Variants in GPSM2 observed in about 807,000 individuals in gnomAD.
GPSM2 encodes the protein G protein signaling modulator 2, also known as G protein-signaling modulator 2.
In GPSM2, 58 loss-of-function variants were observed where a neutral mutation model predicts 78.4. The observed-to-expected ratio is 0.74, with a 90% CI of 0.60 to 0.92. The LOEUF (loss-of-function observed/expected upper bound fraction) is 0.92. GPSM2 is among the 40% of genes least tolerant of loss of function. GPSM2 has a pLI of 0.00. For synonymous variants in GPSM2, 224 were observed against 280.2 expected, an observed-to-expected ratio of 0.80 and a Z score of 2.00; for missense variants, 700 against 815.5, an observed-to-expected ratio of 0.86 and a Z score of 1.73.
intron 10 of GPSM2, among the ~76,000 whole-genome samples, chr1:108,908,253 C>T (rs1233821842): frequency 6.6e-6 from 1 of 152,032 alleles, no homozygotes; most frequent in Non-Finnish European, 1.5e-5. Context: ...CGCCTGTAGT[C>T]GCAGCTACTC....
At chr1:108,928,967 T>C (rs1190121062) in intron 14 of GPSM2, among the ~76,000 whole-genome samples, 6 of 144,216 alleles carry the variant, frequency 4.2e-5, no homozygotes, top group Non-Finnish European at 9.0e-5. Context: ...CCTGCCTGGA[T>C]GACAGAGCGA....
At chr1:108,878,757 G>A (rs536925629) in intron 1 of GPSM2, among the ~76,000 whole-genome samples, 1 of 152,204 alleles carries the variant, frequency 6.6e-6, no homozygotes, top group South Asian at 2.1e-4. Flanking sequence ...ACTATGTTGA[G>A]TACTTTTGTT....
intron 13 of GPSM2, 57 bp from the exon 14 acceptor site, chr1:108,923,939 GTTTT>G (rs869219447): frequency 2.4e-6 from 3 of 1,228,550 alleles, no homozygotes; most frequent in Non-Finnish European, 3.6e-6. Flanking sequence ...ATGTGCCTAG[GTTTT>G]TTTGTTTTTT....
At chr1:108,906,864 C>G (rs1649273751) in intron 10 of GPSM2, among the ~76,000 whole-genome samples, 1 of 152,142 alleles carries the variant, frequency 6.6e-6, no homozygotes, top group Non-Finnish European at 1.5e-5. Context: ...AGTGACGGAA[C>G]TATAGGCACG....
chr1:108,928,778 C>A (rs1651381336), intron 14 of GPSM2, among the ~76,000 whole-genome samples: 2 of 152,098 alleles, frequency 1.3e-5, no homozygotes, highest in Admixed American at 6.5e-5. Context: ...CACTTGAGGT[C>A]AAGAGTTCGA....
chr1:108,931,112 CTT>C lies in GPSM2; in HGVS notation c.*1173_*1174del. 1 of 433,976 alleles carries C rather than the reference CTT, an allele frequency of 2.3e-6. No homozygotes were observed. The allele number at this position is 433,976 out of a possible 1,614,324, so 26.9% of individuals were successfully genotyped here. On this transcript the variant is annotated 3_prime_UTR_variant, in exon 15 of 15. Coordinates refer to ENST00000264126, the MANE Select transcript of GPSM2 (RefSeq NM_013296.5). The stretch of plus-strand genomic sequence containing the variant: ...TTAAAAAAATTATTTAAAATGGTCT[CTT>C]CTGTTCCATAATACTGCTGTAAAAC...
intron 1 of GPSM2, among the ~76,000 whole-genome samples, chr1:108,881,490 G>A (rs931112229): frequency 1.3e-5 from 2 of 152,170 alleles, no homozygotes; most frequent in African/African-American, 2.4e-5. Context: ...TAGGAAGTAG[G>A]TTTGTTAACT....
intron 11 of GPSM2, among the ~76,000 whole-genome samples, chr1:108,915,608 G>C (rs545987392): frequency 6.6e-6 from 1 of 150,990 alleles, no homozygotes; most frequent in African/African-American, 2.4e-5. Context: ...TGTATTTTTA[G>C]TAAAGACAGG....
chr1:108,898,814 G>A, intron 6 of GPSM2, 49 bp downstream of exon 6: 4 of 1,608,564 alleles, frequency 2.5e-6, no homozygotes, highest in Non-Finnish European at 3.4e-6. Context: ...TCAAAGTTCT[G>A]AACAGTGATT....
At chr1:108,918,470 A>G (rs1011409642) in intron 11 of GPSM2, 143 bp from the exon 12 acceptor site, 15 of 638,968 alleles carry the variant, frequency 2.3e-5, no homozygotes, top group South Asian at 1.6e-4. Context: ...ACTAAAAAGG[A>G]TATTTTTAAA....
intron 14 of GPSM2, among the ~76,000 whole-genome samples, chr1:108,924,549 T>G (rs919452000): frequency 6.6e-6 from 1 of 152,056 alleles, no homozygotes; most frequent in Admixed American, 6.6e-5. Flanking sequence ...AGCAAAGGTG[T>G]TGGTGGTAGG....
At chr1:108,917,353 G>T (rs921984249) in intron 11 of GPSM2, among the ~76,000 whole-genome samples, 1 of 151,628 alleles carries the variant, frequency 6.6e-6, no homozygotes, top group African/African-American at 2.4e-5. Context: ...GGATCACGAG[G>T]TCAAGAGATC....
chr1:108,883,679 T>G (rs1647281728), intron 1 of GPSM2, among the ~76,000 whole-genome samples: 2 of 152,228 alleles, frequency 1.3e-5, no homozygotes, highest in Non-Finnish European at 2.9e-5. Context: ...TGATATGCTG[T>G]AGCTCTCTCT....
intron 1 of GPSM2, among the ~76,000 whole-genome samples, chr1:108,884,015 T>G (rs1647319066): frequency 6.6e-6 from 1 of 151,960 alleles, no homozygotes; most frequent in African/African-American, 2.4e-5. Flanking sequence ...GGGTTCAGGC[T>G]CACTGCAACC....
chr1:108,885,962 G>T (rs1307880018), intron 2 of GPSM2, among the ~76,000 whole-genome samples: 1 of 152,036 alleles, frequency 6.6e-6, no homozygotes, highest in East Asian at 1.9e-4. Flanking sequence ...TTTTAGACAT[G>T]AACTTTTTAT....
chr1:108,918,829 A>G, intron 12 of GPSM2, 40 bp downstream of exon 12: 1 of 1,382,168 alleles, frequency 7.2e-7, no homozygotes, highest in Admixed American at 1.7e-5. Flanking sequence ...TGTTTTGAGT[A>G]CCGACATTTG....
intron 11 of GPSM2, among the ~76,000 whole-genome samples, chr1:108,915,801 G>T (rs1007502465): frequency 6.6e-6 from 1 of 152,046 alleles, no homozygotes; most frequent in African/African-American, 2.4e-5. Flanking sequence ...CTTCATTACA[G>T]CAACTTTAGA....
At chr1:108,894,253 A>G (rs1173293205) in intron 2 of GPSM2, among the ~76,000 whole-genome samples, 4 of 152,210 alleles carry the variant, frequency 2.6e-5, no homozygotes, top group Non-Finnish European at 4.4e-5. Flanking sequence ...TGACATATAA[A>G]GAAACATAAA....
At position 108,931,454 on chromosome 1, in the gene GPSM2, GT is replaced by G. The variant is rs1651959281; in HGVS notation, c.*1517del. On this transcript the variant is annotated 3_prime_UTR_variant, in exon 15 of 15. Transcript: ENST00000264126. Reference sequence around the variant, plus strand: ...CACGCTTGGAACAAGTTGCCAACTTGTTTCACTCTGCTTGCTTCAGACTGTG... The same window carrying G: ...CACGCTTGGAACAAGTTGCCAACTTGTTCACTCTGCTTGCTTCAGACTGTG... The G allele has an allele frequency of 6.4e-7, 1 of 1,550,730 alleles. No homozygotes were observed. Among genetic ancestry groups the G allele is most frequent in the African/African-American group, 1.4e-5 (1 of 73,014 alleles).
Sources: allele counts gnomAD v4.1 joint callset (sites outside exome capture counted in the v4.1 genomes callset), GRCh38; gene constraint gnomAD v4.1.1; transcripts MANE v1.5; gene names NCBI Gene and HGNC (gene_info 2026-07-23, HGNC 2026-07-21).